Variants in BEST4 observed in about 807,000 individuals in gnomAD.
BEST4 encodes bestrophin-4.
In BEST4, 36 loss-of-function variants were observed where a neutral mutation model predicts 47.1. That is an observed-to-expected ratio of 0.76 (90% CI 0.59 to 1.01). The LOEUF is 1.01. BEST4 is among the 50% of genes least tolerant of loss of function. The probability of loss-of-function intolerance (pLI) is 0.00; values close to 1 mark genes in which losing one functional copy is unlikely to be tolerated. For synonymous variants in BEST4, 250 were observed against 277.8 expected (o/e 0.90, Z 1.00); for missense variants, 550 against 648.6 (o/e 0.85, Z 1.65).
Position 44,784,042 on chromosome 1 carries a change from C to A in BEST4, c.*168G>T, listed in dbSNP as rs1365463203. On this transcript the variant is annotated 3_prime_UTR_variant, in exon 9 of 9. Transcript: ENST00000372207. The surrounding 1 kb of genome is among the most constrained non-coding windows in gnomAD (Gnocchi z 6.2). ...CCACCAAAGTGGACACATTCCCAGC[C>A]CTGGCTCAGGCCCTTTTCGCCATCT... is the stretch of plus-strand genomic sequence containing the variant. 1.5e-5 allele frequency: 10 copies of A among 654,138 alleles called. No homozygotes were observed. The highest frequency in any genetic ancestry group is 2.3e-5 in the Non-Finnish European group (10 of 439,652). 40.5% of individuals were successfully genotyped at this position (654,138 alleles called of 1,614,324 possible). A position where few individuals can be genotyped will look rare whatever the true frequency, so the allele number is the denominator to read the frequency against.
chr1:44,786,310 C>G lies in BEST4; in HGVS notation c.482-82G>C. ...CTGTTCCGCCGTCTGGCTCCCCTCC[C>G]TCGCGTCCACCGGCTGTCCCAGGAC... On this transcript the variant is annotated intron_variant, in intron 3 of 8. Transcript: ENST00000372207. The surrounding 1 kb of genome is among the most constrained non-coding windows in gnomAD (Gnocchi z 4.9). 6.7e-7 allele frequency: 1 copy of G among 1,503,022 alleles called. No homozygotes were observed. The highest frequency in any genetic ancestry group is 1.3e-5 in the South Asian group (1 of 76,644). The allele number at this position is 1,503,022 out of a possible 1,614,324, so 93.1% of individuals were successfully genotyped here.
At chr1:44,782,189 C>T (rs1021284244), downstream of BEST4, among the ~76,000 whole-genome samples, 48 of 150,532 alleles carry the variant, frequency 3.2e-4, no homozygotes, top group African/African-American at 1.0e-3. Flanking sequence ...CTACCACCTT[C>T]ACAGATGACC....
intron 2 of BEST4, 137 bp downstream of exon 2, chr1:44,787,235 C>T (rs533445258): frequency 6.1e-6 from 5 of 814,786 alleles, no homozygotes; most frequent in African/African-American, 1.7e-5. Context: ...CTCACCTCAG[C>T]CTCTCGAGTA....
In BEST4 at chr1:44,787,437, A is replaced by G; in HGVS notation, c.182T>C (p.Val61Ala). The G allele has an allele frequency of 6.2e-7, 1 of 1,614,098 alleles. No homozygotes were observed. The highest frequency in any genetic ancestry group is 8.5e-7 in the Non-Finnish European group (1 of 1,179,996). ...GCAGTACCGGGCCACCTGAGCATAC[A>G]CGTACCTCTGCTCCTGGGTCAGCAG... is the stretch of plus-strand genomic sequence containing the variant. ...RLLLTQEQRY[V>A]YAQVARYCNR... is the part of the protein sequence containing the mutation. Residue 61 changes from valine (V) to alanine (A), a missense_variant, in exon 2 of 9, where the codon GTG becomes GCG. Val to Ala is a moderately conservative substitution (Grantham distance 64). Around this residue, in one of 3 missense-constraint regions of BEST4, gnomAD observed 291 missense variants for 342.4 expected, o/e 0.85. Transcript: ENST00000372207.
chr1:44,786,443 G>C lies in BEST4; in HGVS notation c.481+20C>G, dbSNP rs1276312281. 1.3e-6 allele frequency: 2 copies of C among 1,496,670 alleles called. No homozygotes were observed. Among genetic ancestry groups the C allele is most frequent in the African/African-American group, 2.8e-5 (2 of 72,080 alleles). The allele number at this position is 1,496,670 out of a possible 1,614,324, so 92.7% of individuals were successfully genotyped here. A position where few individuals can be genotyped will look rare whatever the true frequency, so the allele number is the denominator to read the frequency against. ...CCGGCTGTGGGCCGGACCCCCAGAG[G>C]CTCCCGGCGGGCGGCGCACCTGCGT... On this transcript the variant is annotated intron_variant, in intron 3 of 8. Coordinates refer to ENST00000372207, the MANE Select transcript of BEST4 (RefSeq NM_153274.3). This position sits in a 1 kb window ranked among gnomAD's most constrained non-coding sequence, Gnocchi z 4.9.
chr1:44,783,292 A>G (rs997226755), downstream of BEST4, among the ~76,000 whole-genome samples: 4 of 152,198 alleles, frequency 2.6e-5, no homozygotes, highest in East Asian at 1.9e-4. Context: ...GAGTGCCCCC[A>G]GCGCTGCAGG....
chr1:44,789,817 G>A (rs1651365078), upstream of BEST4, among the ~76,000 whole-genome samples: 1 of 152,230 alleles, frequency 6.6e-6, no homozygotes, highest in Non-Finnish European at 1.5e-5. Flanking sequence ...AAAATCCCAA[G>A]AGTGGTGGTC....
In BEST4 at chr1:44,786,382, C is replaced by A. The variant is rs945011120; in HGVS notation, c.481+81G>T. ...GCAGTCCAGACCCTTCCCTGGAGGC[C>A]CCTGCTCCCAGGACTCTCCCAGGCG... is the stretch of plus-strand genomic sequence containing the variant. On this transcript the variant is annotated intron_variant, in intron 3 of 8. Transcript: ENST00000372207. This position sits in a 1 kb window ranked among gnomAD's most constrained non-coding sequence, Gnocchi z 4.9. 8.4e-6 allele frequency: 12 copies of A among 1,426,800 alleles called. No homozygotes were observed. Among genetic ancestry groups the A allele is most frequent in the Admixed American group, 2.5e-5 (1 of 40,526 alleles). 88.4% of individuals were successfully genotyped at this position (1,426,800 alleles called of 1,614,324 possible). A position where few individuals can be genotyped will look rare whatever the true frequency, so the allele number is the denominator to read the frequency against.
rs780927449 is a variant in BEST4 at position 44,784,916 on chromosome 1, G to A, written c.982C>T (p.Arg328Cys). The A allele has an allele frequency of 3.1e-6, 5 of 1,614,000 alleles. No homozygotes were observed. The highest frequency in any genetic ancestry group is 3.4e-6 in the Non-Finnish European group (4 of 1,179,890). The change falls in exon 7 of 9, where the codon CGC (arginine) becomes TGC (cysteine). Residue 328 changes from arginine (R) to cysteine (C), a missense_variant. Transcript: ENST00000372207. This position sits in a 1 kb window ranked among gnomAD's most constrained non-coding sequence, Gnocchi z 6.2. ...DDFETNQLID[R>C]NLQVSLLSVD... ...TGATGCTTGCTCACCTGCAAGTTGC[G>A]GTCTATGAGCTGATTTGTCTCAAAG...
At chr1:44,789,605 GAAGAAT>G (rs1472606231), upstream of BEST4, among the ~76,000 whole-genome samples, 1 of 152,142 alleles carries the variant, frequency 6.6e-6, no homozygotes, top group Non-Finnish European at 1.5e-5. Context: ...GGCTGAGACA[GAAGAAT>G]CGCTTGAACC....
chr1:44,785,762 G>A, intron 4 of BEST4, 86 bp from the exon 5 acceptor site: 1 of 1,205,134 alleles, frequency 8.3e-7, no homozygotes, highest in Non-Finnish European at 1.2e-6. Context: ...GCCTGGCCAG[G>A]AGGCTCTTTC....
intron 2 of BEST4, 27 bp downstream of exon 2, chr1:44,787,345 A>G: frequency 6.2e-7 from 1 of 1,611,324 alleles, no homozygotes; most frequent in Non-Finnish European, 8.5e-7. Flanking sequence ...TAAGGGGGAC[A>G]CAGGGAAAAC....
Position 44,786,277 on chromosome 1 carries a change from G to A in BEST4, c.482-49C>T, listed in dbSNP as rs1287874186. The stretch of plus-strand genomic sequence containing the variant: ...TGCAGTTGCACCCTCTGCCGCCAGG[G>A]GAGGCTGCTGTTCCGCCGTCTGGCT... On this transcript the variant is annotated intron_variant, in intron 3 of 8. Coordinates refer to ENST00000372207, the MANE Select transcript of BEST4 (RefSeq NM_153274.3). This position sits in a 1 kb window ranked among gnomAD's most constrained non-coding sequence, Gnocchi z 4.9. 1.9e-6 allele frequency: 3 copies of A among 1,554,042 alleles called. No homozygotes were observed. The African/African-American group carries it at 4.1e-5, about 21-fold the overall frequency.
At chr1:44,783,288 C>T (rs1651095803), downstream of BEST4, among the ~76,000 whole-genome samples, 1 of 152,158 alleles carries the variant, frequency 6.6e-6, no homozygotes, top group Non-Finnish European at 1.5e-5. Context: ...AGCCGAGTGC[C>T]CCCAGCGCTG....
At chr1:44,790,009 T>A (rs1651370103), upstream of BEST4, among the ~76,000 whole-genome samples, 2 of 152,220 alleles carry the variant, frequency 1.3e-5, no homozygotes, top group African/African-American at 4.8e-5. Context: ...TCTCTGAACC[T>A]CAGTTTCCTC....
rs766763709 is a variant in BEST4, at chr1:44,785,267, G to A, written c.753C>T (p.Ser251=). 1.2e-6 allele frequency: 2 copies of A among 1,611,904 alleles called. No individual in the cohort carries two copies. Among genetic ancestry groups the A allele is most frequent in the Admixed American group, 1.7e-5 (1 of 59,648 alleles). The change falls in exon 6 of 9, where the codon TCC becomes TCT. Residue 251 remains serine, a synonymous_variant. Coordinates refer to ENST00000372207, the MANE Select transcript of BEST4 (RefSeq NM_153274.3). The part of the protein sequence containing the change: ...TIAVYSFFAL[S]LVGRQFVEPE... ...GCTCCACAAACTGGCGGCCAACCAG[G>A]GAGAGGGCAAAGAAAGAGTAGACGG... is the stretch of plus-strand genomic sequence containing the variant.
Position 44,784,856 on chromosome 1 carries a change from G to A in BEST4, c.993+49C>T. 1 of 1,611,978 alleles carries A rather than the reference G, an allele frequency of 6.2e-7. No homozygotes were observed. The highest frequency in any genetic ancestry group is 1.1e-5 in the South Asian group (1 of 90,874). On this transcript the variant is annotated intron_variant, in intron 7 of 8. Coordinates refer to ENST00000372207, the MANE Select transcript of BEST4 (RefSeq NM_153274.3). The surrounding 1 kb of genome is among the most constrained non-coding windows in gnomAD (Gnocchi z 6.2). Reference sequence around the variant, plus strand: ...CGGCCGGGCTGAGAGCTGACCGGGAGAGGGGGCCCAGGAGCTGCCCTGGAC... The same window carrying A: ...CGGCCGGGCTGAGAGCTGACCGGGAAAGGGGGCCCAGGAGCTGCCCTGGAC...
rs748074273 is a variant in BEST4, at chr1:44,784,931, T to C, written c.967A>G (p.Asn323Asp). Residue 323 changes from asparagine (N) to aspartate (D), a missense_variant, in exon 7 of 9, where the codon AAT becomes GAT. Asn to Asp is a conservative substitution (Grantham distance 23). Coordinates refer to ENST00000372207, the MANE Select transcript of BEST4 (RefSeq NM_153274.3). The surrounding 1 kb of genome is among the most constrained non-coding windows in gnomAD (Gnocchi z 6.2). ...FGEDDDDFET[N>D]QLIDRNLQVS... ...TGCAAGTTGCGGTCTATGAGCTGAT[T>C]TGTCTCAAAGTCGTCATCATCCTCA... The C allele has an allele frequency of 6.2e-7, 1 of 1,614,144 alleles. No homozygotes were observed. The highest frequency in any genetic ancestry group is 8.5e-7 in the Non-Finnish European group (1 of 1,180,028).
intron 4 of BEST4, 113 bp from the exon 5 acceptor site, chr1:44,785,789 G>A (rs1024804674): frequency 8.2e-6 from 8 of 975,654 alleles, no homozygotes; most frequent in Non-Finnish European, 1.2e-5. Flanking sequence ...TGCCCTCAGA[G>A]GTGTATTAAG....
Sources: gnomAD v4.1 joint callset for allele counts (sites outside exome capture counted in the v4.1 genomes callset) on GRCh38, gnomAD v4.1.1 for gene constraint, gnomAD v4.1.1 regional missense constraint, Gnocchi (gnomAD v3.1) non-coding constraint, MANE v1.5 for transcripts, NCBI Gene and HGNC (gene_info 2026-07-23, HGNC 2026-07-21) for gene names.